The following GPC6 variants were observed in gnomAD, a reference collection of about 807,000 sequenced individuals.
GPC6 encodes the protein glypican 6, also known as glypican-6.
Under a neutral mutation model 55.2 loss-of-function variants are expected in GPC6, and 14 were observed. The ratio of observed to expected loss-of-function variants is 0.25; its 90% confidence interval spans 0.17 to 0.40. GPC6 has a LOEUF of 0.40. Among genes scored for constraint, GPC6 ranks in the 10% least tolerant of loss-of-function variants. GPC6 has a pLI of 1.00. For synonymous variants in GPC6, 278 were observed against 259.6 expected (o/e 1.07, Z -0.68); for missense variants, 641 against 708.5 (o/e 0.90, Z 1.08).
chr13:93,603,520 C>A (rs543541282), intron 2 of GPC6, among the ~76,000 whole-genome samples: 2 of 152,074 alleles, frequency 1.3e-5, no homozygotes, highest in East Asian at 3.9e-4. Context: ...TATTATTGTC[C>A]CCACTTTGCA....
At chr13:93,450,856 G>A (rs1332088125) in intron 1 of GPC6, 1 of 205,298 alleles carries the variant, frequency 4.9e-6, no homozygotes, top group African/African-American at 2.4e-5. Flanking sequence ...ATACATAGAA[G>A]AGTTAATATG....
intron 1 of GPC6, among the ~76,000 whole-genome samples, chr13:93,544,426 C>T (rs928657715): frequency 1.3e-5 from 2 of 152,134 alleles, no homozygotes; most frequent in Admixed American, 1.3e-4. Context: ...TTTTATTTAG[C>T]AAGACATTGG....
intron 4 of GPC6, among the ~76,000 whole-genome samples, chr13:94,118,906 G>A (rs1158828502): frequency 3.3e-5 from 5 of 151,896 alleles, no homozygotes; most frequent in Non-Finnish European, 7.4e-5. Flanking sequence ...CAGGCTCCTC[G>A]ACTAAACCTC....
At position 93,531,223 on chromosome 13, in the gene GPC6, C is replaced by A. The variant is rs116312487; in HGVS notation, c.161-14040C>A. On this transcript the variant is annotated intron_variant, in intron 1 of 8. Transcript: ENST00000377047. Reference sequence around the variant, plus strand: ...CCAAGGTTCTCCAGAAAAACAGGACCAATTATATGTAAGAACATATATATT... The same window carrying A: ...CCAAGGTTCTCCAGAAAAACAGGACAAATTATATGTAAGAACATATATATT... Among the ~76,000 whole-genome samples the A allele has an allele frequency of 9.0e-3, 1,367 of 151,154 alleles. 20 individuals carry two copies. Among genetic ancestry groups the A allele is most frequent in the African/African-American group, 0.031 (1,289 of 41,196 alleles).
chr13:93,439,662 CAAATAAAATAAAATA>C (rs778944158), intron 1 of GPC6, among the ~76,000 whole-genome samples: 1 of 145,556 alleles, frequency 6.9e-6, no homozygotes, highest in Non-Finnish European at 1.5e-5. Context: ...AACTACATCT[CAAATAAAATAAAATA>C]AAATAAAATA....
chr13:94,112,611 G>T (rs952081901), intron 4 of GPC6, among the ~76,000 whole-genome samples: 2 of 152,134 alleles, frequency 1.3e-5, no homozygotes, highest in African/African-American at 4.8e-5. Context: ...TTTAGAATTT[G>T]CTTCCAAGCT....
chr13:93,488,155 T>C (rs1879802763), intron 1 of GPC6, among the ~76,000 whole-genome samples: 1 of 152,096 alleles, frequency 6.6e-6, no homozygotes, highest in Admixed American at 6.6e-5. Context: ...GTGTGTGATG[T>C]TCCCCTTCCT....
intron 6 of GPC6, among the ~76,000 whole-genome samples, chr13:94,367,868 C>G (rs545755690): frequency 6.6e-6 from 1 of 151,406 alleles, no homozygotes; most frequent in Non-Finnish European, 1.5e-5. Flanking sequence ...TTAAAAGTAC[C>G]GGCCGGGCAC....
chr13:94,072,770 C>T (rs569734718), intron 4 of GPC6, among the ~76,000 whole-genome samples: 7 of 152,190 alleles, frequency 4.6e-5, no homozygotes, highest in South Asian at 2.1e-4. Flanking sequence ...ACAAGACAAA[C>T]GAGTCAAATA....
At chr13:94,347,800 T>C (rs549909548) in intron 6 of GPC6, among the ~76,000 whole-genome samples, 66 of 152,352 alleles carry the variant, frequency 4.3e-4, no homozygotes, top group African/African-American at 1.5e-3. Context: ...AGTGGAAATA[T>C]ACTCCACATT....
At chr13:93,307,929 T>C (rs1878914956) in intron 1 of GPC6, among the ~76,000 whole-genome samples, 1 of 152,174 alleles carries the variant, frequency 6.6e-6, no homozygotes, top group African/African-American at 2.4e-5. Context: ...ACTGTAAATA[T>C]ATACAGATTT....
intron 2 of GPC6, among the ~76,000 whole-genome samples, chr13:93,623,455 C>CTTTTTTTTTTTTTTTTTTTT (rs567830011): frequency 8.6e-6 from 1 of 116,194 alleles, no homozygotes; most frequent in Non-Finnish European, 1.8e-5. Context: ...CTTTTCTTTT[C>CTTTTTTTTTTTTTTTTTTTT]TTTTTTTTTT....
At chr13:93,765,680 T>G (rs910043448) in intron 2 of GPC6, among the ~76,000 whole-genome samples, 1 of 152,186 alleles carries the variant, frequency 6.6e-6, no homozygotes, top group Non-Finnish European at 1.5e-5. Flanking sequence ...GTAAATTACA[T>G]AGCACCCTAA....
chr13:93,641,524 T>C (rs1205971567), intron 2 of GPC6, among the ~76,000 whole-genome samples: 1 of 152,128 alleles, frequency 6.6e-6, no homozygotes, highest in Non-Finnish European at 1.5e-5. Context: ...CACTGAGTGA[T>C]TGTGAGGCTT....
At chr13:93,785,572 T>C (rs1885793891) in intron 2 of GPC6, among the ~76,000 whole-genome samples, 1 of 152,216 alleles carries the variant, frequency 6.6e-6, no homozygotes, top group African/African-American at 2.4e-5. Context: ...AGCAAGGTAC[T>C]GGGGAACTAT....
intron 3 of GPC6, among the ~76,000 whole-genome samples, chr13:94,000,962 G>A (rs757911958): frequency 3.9e-5 from 6 of 152,110 alleles, no homozygotes; most frequent in Non-Finnish European, 8.8e-5. Context: ...ACTTGATTCT[G>A]GGATTTCTTC....
intron 2 of GPC6, among the ~76,000 whole-genome samples, chr13:93,561,125 C>G (rs931386466): frequency 6.6e-6 from 1 of 151,974 alleles, no homozygotes; most frequent in African/African-American, 2.4e-5. Flanking sequence ...TTTGTCTTCA[C>G]AAAATATTTC....
intron 4 of GPC6, among the ~76,000 whole-genome samples, chr13:94,139,919 AT>A (rs35040024): frequency 6.6e-6 from 1 of 151,992 alleles, no homozygotes; most frequent in African/African-American, 2.4e-5. Context: ...AGAGCTACTG[AT>A]TTTTTCTATG....
At chr13:93,924,073 T>C (rs1877718971) in intron 3 of GPC6, among the ~76,000 whole-genome samples, 2 of 152,238 alleles carry the variant, frequency 1.3e-5, no homozygotes, top group African/African-American at 2.4e-5. Flanking sequence ...ATTTTCTACT[T>C]TCTGCATTGC....
Sources: gnomAD v4.1 joint callset for allele counts (sites outside exome capture counted in the v4.1 genomes callset) on GRCh38, gnomAD v4.1.1 for gene constraint, MANE v1.5 for transcripts, NCBI Gene and HGNC (gene_info 2026-07-23, HGNC 2026-07-21) for gene names.